NEGR1: variants seen among roughly 807,000 people sequenced by gnomAD.
NEGR1 encodes neuronal growth regulator 1.
In NEGR1, 10 loss-of-function variants were observed where a neutral mutation model predicts 40.9. The ratio of observed to expected loss-of-function variants is 0.24; its 90% CI spans 0.15 to 0.42. The LOEUF (loss-of-function observed/expected upper bound fraction) is 0.42, where lower values mean the gene tolerates loss of function less well. Ranked by LOEUF, NEGR1 falls within the 10% of genes least tolerant of loss-of-function variation. The probability of loss-of-function intolerance (pLI) is 1.00; values close to 1 mark genes in which losing one functional copy is unlikely to be tolerated. For synonymous variants in NEGR1, 185 were observed against 166.8 expected (o/e 1.11, Z -0.84); for missense variants, 352 against 438.9 (o/e 0.80, Z 1.77).
intron 1 of NEGR1, among the ~76,000 whole-genome samples, chr1:72,243,935 T>A (rs2100518608): frequency 6.6e-6 from 1 of 151,950 alleles, no homozygotes; most frequent in East Asian, 1.9e-4. Context: ...GAAAATTAAA[T>A]TATTTTTGTT....
chr1:71,942,076 T>C (rs902684107), intron 1 of NEGR1, among the ~76,000 whole-genome samples: 25 of 151,094 alleles, frequency 1.7e-4, no homozygotes, highest in Admixed American at 5.3e-4. Context: ...TTACTTCTTG[T>C]GTAATAGCAA....
intron 1 of NEGR1, among the ~76,000 whole-genome samples, chr1:72,080,591 ATAT>A (rs1244532828): frequency 1.3e-5 from 2 of 152,154 alleles, no homozygotes; most frequent in Non-Finnish European, 2.9e-5. Flanking sequence ...AATAAATCAA[ATAT>A]TATGCAAATG....
chr1:71,446,849 A>G (rs960401720), intron 6 of NEGR1, among the ~76,000 whole-genome samples: 1 of 152,182 alleles, frequency 6.6e-6, no homozygotes, highest in Non-Finnish European at 1.5e-5. Context: ...GTTGACTTCT[A>G]TTGGTGCCAA....
intron 2 of NEGR1, among the ~76,000 whole-genome samples, chr1:71,934,872 T>C (rs1443203681): frequency 1.3e-5 from 2 of 152,116 alleles, no homozygotes; most frequent in Non-Finnish European, 2.9e-5. Context: ...GTCAAAAGAC[T>C]TTTTCATTCT....
chr1:72,210,885 C>A (rs1414654900), intron 1 of NEGR1, among the ~76,000 whole-genome samples: 1 of 151,626 alleles, frequency 6.6e-6, no homozygotes, highest in Non-Finnish European at 1.5e-5. Flanking sequence ...TGTAATTAAC[C>A]ATTTAGACAT....
chr1:71,689,264 C>A (rs1653170513), intron 4 of NEGR1, among the ~76,000 whole-genome samples: 2 of 152,098 alleles, frequency 1.3e-5, no homozygotes, highest in African/African-American at 4.8e-5. Context: ...TGGCTTTATA[C>A]CTTTGCTCCC....
intron 4 of NEGR1, among the ~76,000 whole-genome samples, chr1:71,688,804 A>G (rs1653153530): frequency 6.6e-6 from 1 of 152,174 alleles, no homozygotes; most frequent in East Asian, 1.9e-4. Flanking sequence ...ATTGATACAC[A>G]AAATCATTGG....
At chr1:71,480,237 T>C (rs1433878707) in intron 6 of NEGR1, among the ~76,000 whole-genome samples, 5 of 151,848 alleles carry the variant, frequency 3.3e-5, no homozygotes, top group Admixed American at 6.6e-5. Flanking sequence ...CTCAAAACAA[T>C]CCTGTGAATC....
At chr1:72,060,445 A>C (rs1418920391) in intron 1 of NEGR1, among the ~76,000 whole-genome samples, 1 of 151,714 alleles carries the variant, frequency 6.6e-6, no homozygotes, top group Non-Finnish European at 1.5e-5. Flanking sequence ...TTTCAGATGC[A>C]AAACACAATT....
At chr1:71,512,749 G>C (rs1293453982) in intron 6 of NEGR1, among the ~76,000 whole-genome samples, 1 of 151,464 alleles carries the variant, frequency 6.6e-6, no homozygotes, top group Non-Finnish European at 1.5e-5. Context: ...GCCTGGCTAC[G>C]TTTTGCATTT....
intron 2 of NEGR1, among the ~76,000 whole-genome samples, chr1:71,839,886 C>T (rs1055607810): frequency 1.3e-5 from 2 of 152,066 alleles, no homozygotes; most frequent in African/African-American, 4.8e-5. Flanking sequence ...TGCTGAAACT[C>T]GAGTTACATA....
intron 4 of NEGR1, among the ~76,000 whole-genome samples, chr1:71,688,741 C>T (rs1653150088): frequency 6.6e-6 from 1 of 152,070 alleles, no homozygotes; most frequent in South Asian, 2.1e-4. Context: ...TTAAAGAGTT[C>T]ACAGGCTACA....
intron 1 of NEGR1, among the ~76,000 whole-genome samples, chr1:72,026,386 T>TC (rs397861325): frequency 6.6e-6 from 1 of 151,348 alleles, no homozygotes; most frequent in African/African-American, 2.4e-5. Context: ...TTTTTTTTTT[T>TC]CTCCAAAGGA....
In NEGR1 at chr1:72,041,115, T is replaced by C. The variant is rs796484094; in HGVS notation, c.177-105804A>G. ...CCACTAATTCAATCTAAAAGTTAAA[T>C]TAAGCATAAAACATTTAAAAATATG... On this transcript the variant is annotated intron_variant, in intron 1 of 6. Transcript: ENST00000357731. 1.1e-4 allele frequency among the ~76,000 whole-genome samples: 17 copies of C among 152,138 alleles called. 1 individual carries two copies. The South Asian group carries it at 3.3e-3, about 30-fold the overall frequency.
At chr1:72,081,082 A>G (rs1647976149) in intron 1 of NEGR1, among the ~76,000 whole-genome samples, 1 of 152,132 alleles carries the variant, frequency 6.6e-6, no homozygotes, top group African/African-American at 2.4e-5. Context: ...TGCACTGTGG[A>G]TAAGTTCTAG....
chr1:71,774,624 T>C (rs910580543), intron 3 of NEGR1, among the ~76,000 whole-genome samples: 1 of 152,128 alleles, frequency 6.6e-6, no homozygotes, highest in Non-Finnish European at 1.5e-5. Context: ...CTGTATAAAA[T>C]ATGCCTTTCT....
intron 1 of NEGR1, among the ~76,000 whole-genome samples, chr1:72,246,421 C>T (rs1654905113): frequency 2.6e-5 from 4 of 152,158 alleles, no homozygotes; most frequent in Admixed American, 6.5e-5. Context: ...CCAAATCATG[C>T]TAGTTTTTAT....
intron 6 of NEGR1, among the ~76,000 whole-genome samples, chr1:71,519,534 T>C (rs1647138641): frequency 2.2e-5 from 2 of 92,650 alleles, no homozygotes; most frequent in Non-Finnish European, 4.2e-5. Context: ...AACAATGAGA[T>C]CACATGGACA....
At chr1:71,928,286 A>G (rs1260130148) in intron 2 of NEGR1, among the ~76,000 whole-genome samples, 2 of 141,542 alleles carry the variant, frequency 1.4e-5, no homozygotes, top group Admixed American at 7.1e-5. Context: ...ATATACACAC[A>G]TATGTATATA....
Sources: allele counts gnomAD v4.1 joint callset (sites outside exome capture counted in the v4.1 genomes callset), GRCh38; gene constraint gnomAD v4.1.1; transcripts MANE v1.5; gene names NCBI Gene and HGNC (gene_info 2026-07-23, HGNC 2026-07-21).